DLG2: variants seen among roughly 807,000 people sequenced by gnomAD.
The protein encoded by DLG2 is discs large MAGUK scaffold protein 2.
A neutral mutation model predicts 132.5 loss-of-function variants in DLG2; 45 were observed. That is an observed-to-expected ratio of 0.34 (90% CI 0.27 to 0.44). DLG2 has a LOEUF of 0.44. Ranked by LOEUF, DLG2 falls within the 20% of genes least tolerant of loss-of-function variation. DLG2 has a pLI of 1.00. For synonymous variants in DLG2, 424 were observed against 419.6 expected (o/e 1.01, Z -0.13); for missense variants, 1,045 against 1,196.9 (o/e 0.87, Z 1.87).
intron 6 of DLG2, among the ~76,000 whole-genome samples, chr11:85,087,814 C>T (rs999077220): frequency 1.3e-4 from 16 of 121,988 alleles, no homozygotes; most frequent in Admixed American, 1.2e-3. Flanking sequence ...GTCCGCAGTC[C>T]GGCCTGGGCG....
intron 4 of DLG2, among the ~76,000 whole-genome samples, chr11:85,217,260 C>T (rs1281113363): frequency 6.6e-6 from 1 of 151,380 alleles, no homozygotes; most frequent in African/African-American, 2.4e-5. Flanking sequence ...CTTTAAAGGT[C>T]ACACTTTTAA....
At chr11:83,860,466 A>G (rs935344862) in intron 16 of DLG2, among the ~76,000 whole-genome samples, 1 of 152,188 alleles carries the variant, frequency 6.6e-6, no homozygotes, top group East Asian at 1.9e-4. Flanking sequence ...TTAGACTTGC[A>G]TGAGGCCTGT....
intron 3 of DLG2, among the ~76,000 whole-genome samples, chr11:85,578,044 C>T (rs1340248348): frequency 5.3e-5 from 8 of 151,990 alleles, no homozygotes; most frequent in Non-Finnish European, 7.4e-5. Flanking sequence ...AAAACATACA[C>T]ACAGACAAGT....
In DLG2 at chr11:84,244,849, G is replaced by A. The variant is rs139294338; in HGVS notation, c.573+6389C>T. ...TAATCACTGCCAGGATGGTTCAAAG[G>A]AACACACATATTTCTCCTTTCTTTC... On this transcript the variant is annotated intron_variant, in intron 8 of 27. Transcript: ENST00000376104. 5.3e-5 allele frequency among the ~76,000 whole-genome samples: 8 copies of A among 152,220 alleles called. No individual in the cohort carries two copies. In the East Asian group the frequency reaches 1.4e-3, roughly 26 times the overall value.
At chr11:83,688,063 G>C (rs1210041460) in intron 18 of DLG2, among the ~76,000 whole-genome samples, 1 of 151,620 alleles carries the variant, frequency 6.6e-6, no homozygotes, top group African/African-American at 2.4e-5. Flanking sequence ...ACACTTGGTA[G>C]AGAGAAGAAG....
At chr11:84,901,222 A>G (rs1471846090) in intron 6 of DLG2, among the ~76,000 whole-genome samples, 1 of 152,072 alleles carries the variant, frequency 6.6e-6, no homozygotes, top group African/African-American at 2.4e-5. Flanking sequence ...AATTACAACA[A>G]TCTTCAGTGG....
chr11:83,893,162 G>C (rs911820548), intron 15 of DLG2, among the ~76,000 whole-genome samples: 2 of 152,196 alleles, frequency 1.3e-5, no homozygotes, highest in East Asian at 1.9e-4. Flanking sequence ...GAAACAATAC[G>C]CTCTCTTAGT....
At chr11:85,147,692 A>C (rs1314369984) in intron 5 of DLG2, among the ~76,000 whole-genome samples, 1 of 152,212 alleles carries the variant, frequency 6.6e-6, no homozygotes, top group Non-Finnish European at 1.5e-5. Flanking sequence ...TGACTTACCC[A>C]AAGTTATTTA....
chr11:84,736,030 G>C (rs1366427679), intron 6 of DLG2, among the ~76,000 whole-genome samples: 1 of 151,864 alleles, frequency 6.6e-6, no homozygotes, highest in East Asian at 1.9e-4. Flanking sequence ...AGGTTTTGTA[G>C]TTTTACATTT....
intron 6 of DLG2, among the ~76,000 whole-genome samples, chr11:84,998,243 C>T (rs1193960668): frequency 6.6e-6 from 1 of 151,996 alleles, no homozygotes; most frequent in East Asian, 1.9e-4. Flanking sequence ...CCCCAGGTGT[C>T]AAGGGCAGGA....
chr11:84,404,668 C>T (rs550835353), intron 7 of DLG2, among the ~76,000 whole-genome samples: 1 of 152,006 alleles, frequency 6.6e-6, no homozygotes, highest in Non-Finnish European at 1.5e-5. Flanking sequence ...ATCTTTCTCA[C>T]CATGCTGTAA....
intron 3 of DLG2, among the ~76,000 whole-genome samples, chr11:85,400,824 C>A (rs1158998638): frequency 6.6e-6 from 1 of 151,282 alleles, no homozygotes; most frequent in Non-Finnish European, 1.5e-5. Flanking sequence ...GGAGATATAC[C>A]TAATGCTAAA....
At chr11:84,564,724 G>C (rs1183575039) in intron 6 of DLG2, among the ~76,000 whole-genome samples, 3 of 152,128 alleles carry the variant, frequency 2.0e-5, no homozygotes, top group Non-Finnish European at 4.4e-5. Context: ...TATTACCTAA[G>C]GTGTCTCCTA....
intron 10 of DLG2, among the ~76,000 whole-genome samples, chr11:84,081,603 G>T (rs2096904889): frequency 6.6e-6 from 1 of 152,104 alleles, no homozygotes; most frequent in South Asian, 2.1e-4. Context: ...GTGATAGTTT[G>T]CTCAGAAAGA....
At chr11:84,584,867 T>C (rs2099525774) in intron 6 of DLG2, among the ~76,000 whole-genome samples, 1 of 151,154 alleles carries the variant, frequency 6.6e-6, no homozygotes, top group Non-Finnish European at 1.5e-5. Context: ...TTTTTGTATT[T>C]TTAGTAGAGA....
chr11:83,960,854 G>C (rs1283441311), intron 14 of DLG2, among the ~76,000 whole-genome samples: 1 of 151,942 alleles, frequency 6.6e-6, no homozygotes, highest in Non-Finnish European at 1.5e-5. Context: ...GAGAGTGGTG[G>C]AGGGGTGTGT....
chr11:84,022,980 T>C (rs1421894450), intron 11 of DLG2, among the ~76,000 whole-genome samples: 3 of 152,088 alleles, frequency 2.0e-5, no homozygotes, highest in Non-Finnish European at 4.4e-5. Context: ...GTTTTGAGAA[T>C]TAAAGCAGAT....
chr11:83,466,948 A>C, intron 25 of DLG2, 131 bp from the exon 26 acceptor site: 1 of 620,404 alleles, frequency 1.6e-6, no homozygotes, highest in Non-Finnish European at 2.9e-6. Context: ...GAAAAAGATC[A>C]CTGCAAAGAG....
At chr11:83,899,310 T>C (rs528469137) in intron 15 of DLG2, among the ~76,000 whole-genome samples, 19 of 152,330 alleles carry the variant, frequency 1.2e-4, no homozygotes, top group East Asian at 3.9e-4. Context: ...AACACCATCC[T>C]GTCTTCTTGA....
Sources: allele counts gnomAD v4.1 joint callset (sites outside exome capture counted in the v4.1 genomes callset), GRCh38; gene constraint gnomAD v4.1.1; transcripts MANE v1.5; gene names NCBI Gene and HGNC (gene_info 2026-07-23, HGNC 2026-07-21).